The following KIF1A variants were observed in gnomAD, a reference collection of about 807,000 sequenced individuals.
The protein encoded by KIF1A is kinesin-like protein KIF1A.
In KIF1A, 46 loss-of-function variants were observed where a neutral mutation model predicts 227.3. That is an observed-to-expected ratio of 0.20 (90% CI 0.16 to 0.26). The LOEUF is 0.26. Ranked by LOEUF, KIF1A falls within the 10% of genes least tolerant of loss-of-function variation. KIF1A has a pLI of 1.00. For missense variants in KIF1A, 1,683 were observed against 2,485.9 expected, an observed-to-expected ratio of 0.68 and a Z score of 6.87; for synonymous variants, 1,022 against 1,012.8, an observed-to-expected ratio of 1.01 and a Z score of -0.17.
At chr2:240,777,885 G>A (rs1346093253) in intron 10 of KIF1A, among the ~76,000 whole-genome samples, 1 of 152,196 alleles carries the variant, frequency 6.6e-6, no homozygotes, top group Non-Finnish European at 1.5e-5. Flanking sequence ...GTCCCTCGCA[G>A]GGTCCCTCGC....
chr2:240,717,298 A>T lies in KIF1A; in HGVS notation c.*66T>A. On this transcript the variant is annotated 3_prime_UTR_variant, in exon 49 of 49. Coordinates refer to ENST00000498729, the MANE Select transcript of KIF1A (RefSeq NM_001244008.2). Reference sequence around the variant, plus strand: ...CAGGAGAGGGGCTGGGCGGCAGGTGACAGGACAGACGAGGATGAGGGAGGG... The same window carrying T: ...CAGGAGAGGGGCTGGGCGGCAGGTGTCAGGACAGACGAGGATGAGGGAGGG... 1 of 1,473,482 alleles carries T rather than the reference A, an allele frequency of 6.8e-7. No individual in the cohort carries two copies. Among genetic ancestry groups the T allele is most frequent in the Non-Finnish European group, 9.4e-7 (1 of 1,060,656 alleles). 91.3% of individuals were successfully genotyped at this position (1,473,482 alleles called of 1,614,324 possible). A position where few individuals can be genotyped will look rare whatever the true frequency, so the allele number is the denominator to read the frequency against.
Position 240,720,968 on chromosome 2 carries a change from G to C in KIF1A, c.4814C>G (p.Pro1605Arg). The change falls in exon 45 of 49, where the codon CCC becomes CGC. Residue 1605 changes from proline (P) to arginine (R), a missense_variant. Physicochemically the swap from Pro to Arg is moderately radical, Grantham distance 103 (BLOSUM62 -2). This residue lies in a region of KIF1A where 384 missense variants were observed against 410.1 expected (regional missense o/e 0.94). Coordinates refer to ENST00000498729, the MANE Select transcript of KIF1A (RefSeq NM_001244008.2). ...AACCAGAGAGGGGCAAGTGGAGGAGGGGGTGAGAGTGGCCACCCCTAGAGG... is the reference window on the plus strand; with the variant it reads ...AACCAGAGAGGGGCAAGTGGAGGAGCGGGTGAGAGTGGCCACCCCTAGAGG... ...MSPLGVATLT[P>R]SSTCPSLVEG... is the part of the protein sequence containing the mutation. The C allele has an allele frequency of 6.2e-7, 1 of 1,604,972 alleles. No homozygotes were observed. Among genetic ancestry groups the C allele is most frequent in the Non-Finnish European group, 8.5e-7 (1 of 1,176,316 alleles).
chr2:240,797,740 A>T lies in KIF1A; in HGVS notation c.13T>A (p.Ser5Thr), dbSNP rs1398953258. 2 of 1,610,058 alleles carry T rather than the reference A, an allele frequency of 1.2e-6. No individual in the cohort carries two copies. Among genetic ancestry groups the T allele is most frequent in the Non-Finnish European group, 1.7e-6 (2 of 1,178,966 alleles). Residue 5 changes from serine (S) to threonine (T), a missense_variant, in exon 2 of 49, where the codon TCG becomes ACG. By Grantham distance (58) the Ser-to-Thr change is moderately conservative (BLOSUM62 1). Transcript: ENST00000498729. MAGA[S>T]VKVAVRVRPF... ...CGGACCCGCACCGCCACCTTCACCG[A>T]AGCCCCGGCCATCTCTGTGGCCTTC...
At position 240,774,391 on chromosome 2, in the gene KIF1A, ACCCCCCCCC is replaced by A. The variant is rs570956380; in HGVS notation, c.959-139_959-131del. ...GAGAGGTAAACTGAGTCACAGGCTT[ACCCCCCCCC>A]CCACCCCCACCCCATGAACACAGAC... On this transcript the variant is annotated intron_variant, in intron 11 of 48. Coordinates refer to ENST00000498729, the MANE Select transcript of KIF1A (RefSeq NM_001244008.2). The A allele has an allele frequency of 4.9e-5, 13 of 265,688 alleles. No individual in the cohort carries two copies. In the African/African-American group the frequency reaches 5.1e-4, roughly 10 times the overall value. The allele number at this position is 265,688 out of a possible 1,614,324, so 16.5% of individuals were successfully genotyped here. A position where few individuals can be genotyped will look rare whatever the true frequency, so the allele number is the denominator to read the frequency against.
chr2:240,748,614 G>T, intron 28 of KIF1A: 1 of 242,572 alleles, frequency 4.1e-6, no homozygotes, highest in Non-Finnish European at 9.1e-6. Context: ...AGACAGAGGT[G>T]ATAGGTGTTC....
intron 2 of KIF1A, 117 bp downstream of exon 2, chr2:240,797,530 C>T (rs1180590682): frequency 1.4e-6 from 1 of 701,784 alleles, no homozygotes; most frequent in Non-Finnish European, 2.5e-6. Context: ...GCCACATAGA[C>T]AAGGAGGTGC....
intron 1 of KIF1A, 187 bp from the exon 2 acceptor site, chr2:240,797,999 G>A (rs1479861186): frequency 2.1e-5 from 9 of 430,452 alleles, no homozygotes; most frequent in Non-Finnish European, 3.7e-5. Flanking sequence ...AGCCCAGCGG[G>A]ACCAGTGGAA....
chr2:240,821,328 A>G (rs1368798442), upstream of KIF1A, among the ~76,000 whole-genome samples: 1 of 152,174 alleles, frequency 6.6e-6, no homozygotes, highest in Non-Finnish European at 1.5e-5. Context: ...CTCCTGGGAG[A>G]GCCGGCTTCA....
chr2:240,794,384 C>T (rs867102917), intron 2 of KIF1A, among the ~76,000 whole-genome samples: 13 of 152,258 alleles, frequency 8.5e-5, no homozygotes, highest in East Asian at 1.9e-4. Context: ...CTCCCATGCA[C>T]GTGCACATCC....
intron 7 of KIF1A, 28 bp downstream of exon 7, chr2:240,784,961 G>A (rs369421905): frequency 1.6e-5 from 26 of 1,581,846 alleles, no homozygotes; most frequent in Non-Finnish European, 2.2e-5. Context: ...TGCCCTTGGT[G>A]GCACCGCCTG....
intron 37 of KIF1A, 153 bp from the exon 38 acceptor site, chr2:240,737,321 C>T: frequency 1.3e-5 from 8 of 620,232 alleles, no homozygotes; most frequent in Non-Finnish European, 2.1e-5. Context: ...CAGGGAGGCC[C>T]TACAGGGTCC....
In KIF1A at chr2:240,736,504, G is replaced by T. The variant is rs1479173242; in HGVS notation, c.4007+559C>A. On this transcript the variant is annotated intron_variant, in intron 38 of 48. Transcript: ENST00000498729. The surrounding 1 kb of genome is among the most constrained non-coding windows in gnomAD (Gnocchi z 4.7). ...CCTAACCCCAGCAGACCCCGATAGGGCTGCCACAGACATCCCAGAGCGCCA... is the reference window on the plus strand; with the variant it reads ...CCTAACCCCAGCAGACCCCGATAGGTCTGCCACAGACATCCCAGAGCGCCA... 6.6e-6 allele frequency among the ~76,000 whole-genome samples: 1 copy of T among 152,204 alleles called. No individual in the cohort carries two copies. Among genetic ancestry groups the T allele is most frequent in the African/African-American group, 2.4e-5 (1 of 41,458 alleles).
In KIF1A at chr2:240,798,740, C is replaced by T. The variant is rs929684759; in HGVS notation, c.-60-928G>A. On this transcript the variant is annotated intron_variant, in intron 1 of 48. Transcript: ENST00000498729. ...TGCTGCTGCTTCCCCGTGGGACTTG[C>T]GGCCTGAACGATGGGGCTCCTGGGC... is the stretch of plus-strand genomic sequence containing the variant. Among the ~76,000 whole-genome samples, 11 of 152,336 alleles carry T rather than the reference C, an allele frequency of 7.2e-5. 1 individual carries two copies. The highest frequency in any genetic ancestry group is 5.8e-4 in the East Asian group (3 of 5,190).
chr2:240,745,400 G>C, intron 32 of KIF1A, 27 bp downstream of exon 32: 1 of 1,550,582 alleles, frequency 6.4e-7, no homozygotes, highest in Non-Finnish European at 8.9e-7. Context: ...CAGTGGCAGG[G>C]ATGGGGAGAA....
At chr2:240,717,540 T>A (rs995796841) in intron 48 of KIF1A, 134 bp from the exon 49 acceptor site, 9 of 758,858 alleles carry the variant, frequency 1.2e-5, no homozygotes, top group Non-Finnish European at 2.0e-5. Flanking sequence ...CCTCACCACC[T>A]GGGGAAGGGA....
At chr2:240,796,449 A>G (rs1474538771) in intron 2 of KIF1A, among the ~76,000 whole-genome samples, 1 of 152,054 alleles carries the variant, frequency 6.6e-6, no homozygotes, top group African/African-American at 2.4e-5. Context: ...CCCACTTACG[A>G]ACGCACCTTT....
chr2:240,790,807 G>A lies in KIF1A; in HGVS notation c.107-1495C>T, dbSNP rs1280015089. On this transcript the variant is annotated intron_variant, in intron 2 of 48. Transcript: ENST00000498729. This position sits in a 1 kb window ranked among gnomAD's most constrained non-coding sequence, Gnocchi z 5.0. ...AAGCAGCCGGCAAGCCCCAGAAGCT[G>A]GAGGGCCTGGACAGGTGCCCCTCAT... Among the ~76,000 whole-genome samples, 3 of 152,130 alleles carry A rather than the reference G, an allele frequency of 2.0e-5. No homozygotes were observed. Among genetic ancestry groups the A allele is most frequent in the African/African-American group, 4.8e-5 (2 of 41,422 alleles).
In KIF1A at chr2:240,739,418, C is replaced by T. The variant is rs4676374; in HGVS notation, c.3901+640G>A. On this transcript the variant is annotated intron_variant, in intron 37 of 48. Transcript: ENST00000498729. The surrounding 1 kb of genome is among the most constrained non-coding windows in gnomAD (Gnocchi z 5.6). ...ATGGTTATGGGAGGAATTGTGTCCC[C>T]GAAAAATATACGTGGAAGTCCTAAC... Among the ~76,000 whole-genome samples the T allele has an allele frequency of 0.018, 2,699 of 152,184 alleles. 207 individuals carry two copies. In the East Asian group the frequency reaches 0.21, roughly 12 times the overall value.
intron 2 of KIF1A, among the ~76,000 whole-genome samples, chr2:240,791,507 C>T (rs1296234936): frequency 1.7e-4 from 19 of 109,154 alleles, no homozygotes; most frequent in Non-Finnish European, 6.0e-5. Context: ...CATCCCCACA[C>T]CCCTTCCTGC....
Sources: gnomAD v4.1 joint callset for allele counts (sites outside exome capture counted in the v4.1 genomes callset) on GRCh38, gnomAD v4.1.1 for gene constraint, gnomAD v4.1.1 regional missense constraint, Gnocchi (gnomAD v3.1) non-coding constraint, MANE v1.5 for transcripts, NCBI Gene and HGNC (gene_info 2026-07-23, HGNC 2026-07-21) for gene names.